The following TSPAN1 variants were observed in gnomAD, a reference collection of about 807,000 sequenced individuals.
TSPAN1 encodes the protein tetraspanin 1.
A neutral mutation model predicts 26.9 loss-of-function variants in TSPAN1; 23 were observed. The observed-to-expected ratio is 0.85, with a 90% CI of 0.62 to 1.21. The LOEUF is 1.21. TSPAN1 is among the 50% of genes most tolerant of loss of function. The pLI, the probability that TSPAN1 is intolerant of heterozygous loss-of-function variation, is 0.00. For missense variants in TSPAN1, 283 were observed against 298.4 expected (o/e 0.95, Z 0.38); for synonymous variants, 115 against 114.8 (o/e 1.00, Z -0.01).
chr1:46,192,858 C>A, the TSPAN1 span: 21 of 1,612,206 alleles, frequency 1.3e-5, no homozygotes, highest in South Asian at 1.8e-4. Context: ...TCTTTCCCTG[C>A]AGACTGAGGG....
At chr1:46,181,822 C>T (rs934645774) in intron 3 of TSPAN1, among the ~76,000 whole-genome samples, 2 of 152,164 alleles carry the variant, frequency 1.3e-5, no homozygotes, top group African/African-American at 4.8e-5. Flanking sequence ...GAGGAAATAG[C>T]TGAAGCTGGG....
rs200479864 is a variant in TSPAN1, at chr1:46,185,101, G to A, written c.580G>A (p.Asp194Asn). ...NETCTKQKAH[D>N]QKVEGCFNQL... ...AACCTGCACCAAGCAAAAGGCTCACGACCAAAAAGTAGAGGTGTGGGCTGG... is the reference window on the plus strand; with the variant it reads ...AACCTGCACCAAGCAAAAGGCTCACAACCAAAAAGTAGAGGTGTGGGCTGG... The change falls in exon 7 of 9, where the codon GAC (aspartate) becomes AAC (asparagine). Residue 194 changes from aspartate (D) to asparagine (N), a missense_variant. Physicochemically the swap from Asp to Asn is conservative, Grantham distance 23. Transcript: ENST00000372003. 19 of 1,614,176 alleles carry A rather than the reference G, an allele frequency of 1.2e-5. No homozygotes were observed. Among genetic ancestry groups the A allele is most frequent in the Admixed American group, 1.7e-5 (1 of 60,020 alleles).
chr1:46,181,172 C>A lies in TSPAN1; in HGVS notation c.57+8C>A, dbSNP rs774271677. On this transcript the variant is annotated splice_region_variant and intron_variant, in intron 3 of 8. Coordinates refer to ENST00000372003, the MANE Select transcript of TSPAN1 (RefSeq NM_005727.4). ...TTCAATTTGCTCATCTTTGTAAGTA[C>A]GGACATTGTGGACTCTTTGGGGCTC... The A allele has an allele frequency of 5.0e-6, 8 of 1,611,824 alleles. No homozygotes were observed. Among genetic ancestry groups the A allele is most frequent in the Non-Finnish European group, 5.9e-6 (7 of 1,178,974 alleles).
chr1:46,183,677 G>A (rs1375468870), intron 3 of TSPAN1: 1 of 174,506 alleles, frequency 5.7e-6, no homozygotes, highest in Non-Finnish European at 1.3e-5. Context: ...GCCAAATGGG[G>A]CCTCAGGTGG....
chr1:46,182,449 A>ACTGTAATCCCAGCACTCTGGGAAG (rs1657335660), intron 3 of TSPAN1, among the ~76,000 whole-genome samples: 1 of 151,970 alleles, frequency 6.6e-6, no homozygotes, highest in Non-Finnish European at 1.5e-5. Context: ...GTAGCTCACA[A>ACTGTAATCCCAGCACTCTGGGAAG]CTGTAATCCC....
chr1:46,193,117 A>G, the TSPAN1 span: 1 of 1,611,894 alleles, frequency 6.2e-7, no homozygotes, highest in East Asian at 2.2e-5. Context: ...ACAGGCCCAG[A>G]CCTTATGCCC....
chr1:46,193,052 C>A, the TSPAN1 span: 2 of 1,603,410 alleles, frequency 1.2e-6, no homozygotes, highest in Non-Finnish European at 1.7e-6. Context: ...CAGCATTACC[C>A]CCATTTTCCA....
downstream of TSPAN1, chr1:46,190,097 C>CT (rs946195454): frequency 0.13 from 105,322 of 796,746 alleles, 1,135 homozygotes; most frequent in South Asian, 0.16. Context: ...CCTTGAAGTT[C>CT]TTTTTTTTTT....
rs1448888029 is a variant in TSPAN1, at chr1:46,184,676, A to T, written c.339+8A>T. 1.2e-6 allele frequency: 2 copies of T among 1,614,176 alleles called. No individual in the cohort carries two copies. Among genetic ancestry groups the T allele is most frequent in the South Asian group, 2.2e-5 (2 of 91,080 alleles). ...TTGGTGTACACCACAATGGTGAGAC[A>T]CTGGGATGGAGGAAGGGAAGAAGAT... On this transcript the variant is annotated splice_region_variant and intron_variant, in intron 5 of 8. Coordinates refer to ENST00000372003, the MANE Select transcript of TSPAN1 (RefSeq NM_005727.4).
downstream of TSPAN1, chr1:46,190,872 C>A: frequency 8.0e-7 from 1 of 1,249,100 alleles, no homozygotes; most frequent in South Asian, 1.2e-5. Context: ...ATAAGACACA[C>A]AAATGAAGTC....
At chr1:46,190,524 A>T, downstream of TSPAN1, 2 of 1,603,142 alleles carry the variant, frequency 1.2e-6, no homozygotes, top group Non-Finnish European at 1.7e-6. Flanking sequence ...CAGACTGAAG[A>T]GGAGGGAGAA....
At chr1:46,193,604 G>A in the TSPAN1 span, 48 of 1,614,072 alleles carry the variant, frequency 3.0e-5, no homozygotes, top group Non-Finnish European at 1.5e-5. Flanking sequence ...CATCTGAGGA[G>A]ACACCCCCTG....
chr1:46,182,542 T>G (rs1331778778), intron 3 of TSPAN1, among the ~76,000 whole-genome samples: 5 of 151,936 alleles, frequency 3.3e-5, no homozygotes, highest in Admixed American at 3.3e-4. Flanking sequence ...AAACCCCGTC[T>G]CTACTAAAAA....
rs1351023227 is a variant in TSPAN1, at chr1:46,176,422, G to A, written c.-142+1013G>A. On this transcript the variant is annotated intron_variant, in intron 1 of 8. Coordinates refer to ENST00000372003, the MANE Select transcript of TSPAN1 (RefSeq NM_005727.4). ...GCCCATACCTGGCCTGCGGTAGGGG[G>A]AACGCATGCCCTGGGGCCGAGGGCC... 4 of 1,535,744 alleles carry A rather than the reference G, an allele frequency of 2.6e-6. No homozygotes were observed. In the Admixed American group the frequency reaches 5.9e-5, roughly 23 times the overall value.
downstream of TSPAN1, chr1:46,189,932 G>A (rs1206240703): frequency 6.2e-7 from 1 of 1,613,970 alleles, no homozygotes; most frequent in Non-Finnish European, 8.5e-7. Flanking sequence ...GGCCCTCTGT[G>A]TCTGGCAGGA....
chr1:46,181,899 G>T (rs556143874), intron 3 of TSPAN1, among the ~76,000 whole-genome samples: 1 of 152,108 alleles, frequency 6.6e-6, no homozygotes, highest in Admixed American at 6.6e-5. Flanking sequence ...ACTTGATATC[G>T]TTCAGAAAAC....
In TSPAN1 at chr1:46,176,750, T is replaced by C. The variant is rs535108755; in HGVS notation, c.-142+1341T>C. On this transcript the variant is annotated intron_variant, in intron 1 of 8. Coordinates refer to ENST00000372003, the MANE Select transcript of TSPAN1 (RefSeq NM_005727.4). ...TTCTCACTTATCCATATAGTAACAA[T>C]ATTAACAATGTTTTTTGAGCACTTA... is the stretch of plus-strand genomic sequence containing the variant. 2.0e-5 allele frequency among the ~76,000 whole-genome samples: 3 copies of C among 152,374 alleles called. 1 individual carries two copies. In the South Asian group the frequency reaches 6.2e-4, roughly 32 times the overall value.
At chr1:46,189,459 A>G, downstream of TSPAN1, 1 of 1,613,602 alleles carries the variant, frequency 6.2e-7, no homozygotes, top group Non-Finnish European at 8.5e-7. Context: ...GTCACTCACG[A>G]GTAGGGGGAA....
rs1487014918 is a variant in TSPAN1 at position 46,185,318 on chromosome 1, TGAG to T, written c.678+15_678+17del. ...AATTGGGGGCCTCGAGGTAAGCAGATGAGGAGGCTGGGACTGGGACATGGGCAT... is the reference window on the plus strand; with the variant it reads ...AATTGGGGGCCTCGAGGTAAGCAGATGAGGCTGGGACTGGGACATGGGCAT... On this transcript the variant is annotated intron_variant, in intron 8 of 8. Coordinates refer to ENST00000372003, the MANE Select transcript of TSPAN1 (RefSeq NM_005727.4). 14 of 1,613,772 alleles carry T rather than the reference TGAG, an allele frequency of 8.7e-6. No individual in the cohort carries two copies. The highest frequency in any genetic ancestry group is 1.7e-4 in the Middle Eastern group (1 of 5,922).
Sources: allele counts gnomAD v4.1 joint callset (sites outside exome capture counted in the v4.1 genomes callset), GRCh38; gene constraint gnomAD v4.1.1; transcripts MANE v1.5; gene names NCBI Gene and HGNC (gene_info 2026-07-23, HGNC 2026-07-21).